Variants in ZNF140 observed in about 807,000 individuals in gnomAD.
The protein encoded by ZNF140 is zinc finger protein 140 (clone pHZ-39).
A neutral mutation model predicts 12.9 loss-of-function variants in ZNF140; 13 were observed. That is an observed-to-expected ratio of 1.01 (90% CI 0.66 to 1.60). The LOEUF (loss-of-function observed/expected upper bound fraction) is 1.60, where lower values mean the gene tolerates loss of function less well. Among genes scored for constraint, ZNF140 ranks in the 40% most tolerant of loss-of-function variants. The pLI is 0.00. For synonymous variants in ZNF140, 214 were observed against 186.7 expected (o/e 1.15, Z -1.19); for missense variants, 531 against 548.8 (o/e 0.97, Z 0.32).
intron 4 of ZNF140, among the ~76,000 whole-genome samples, chr12:133,093,901 TTC>T (rs1954981848): frequency 1.3e-5 from 2 of 151,178 alleles, no homozygotes; most frequent in South Asian, 2.1e-4. Flanking sequence ...CAGTCTCACT[TTC>T]TGTGTCTTTC....
intron 4 of ZNF140, among the ~76,000 whole-genome samples, 183 bp downstream of exon 4, chr12:133,083,744 C>T (rs1954577918): frequency 6.6e-6 from 1 of 151,994 alleles, no homozygotes; most frequent in Non-Finnish European, 1.5e-5. Context: ...TGGATCACGA[C>T]GTCAGGAGAT....
chr12:133,105,809 T>C lies in ZNF140; in HGVS notation c.532T>C (p.Leu178=). The change falls in exon 5 of 5, where the codon TTA becomes CTA. Residue 178 remains leucine, a synonymous_variant. Coordinates refer to ENST00000355557, the MANE Select transcript of ZNF140 (RefSeq NM_003440.4). ...KTFGRRFSLV[L]HQRTHTGEKP... ...TTTTGGTCGACGCTTTTCCCTGGTG[T>C]TACACCAGAGGACTCATACTGGAGA... 1 of 1,614,158 alleles carries C rather than the reference T, an allele frequency of 6.2e-7. No homozygotes were observed. The highest frequency in any genetic ancestry group is 1.7e-5 in the Admixed American group (1 of 60,026).
At chr12:133,095,905 A>G (rs1488962767) in intron 4 of ZNF140, among the ~76,000 whole-genome samples, 1 of 151,910 alleles carries the variant, frequency 6.6e-6, no homozygotes, top group Non-Finnish European at 1.5e-5. Context: ...TTTTGCTACT[A>G]TCTCAGAATT....
At chr12:133,103,388 A>T (rs1390268956) in intron 4 of ZNF140, among the ~76,000 whole-genome samples, 2 of 151,804 alleles carry the variant, frequency 1.3e-5, no homozygotes, top group African/African-American at 4.8e-5. Context: ...TCTGTCAAGT[A>T]GCTAGAAGTA....
intron 4 of ZNF140, among the ~76,000 whole-genome samples, chr12:133,087,163 A>G (rs1593749520): frequency 6.6e-6 from 1 of 152,048 alleles, no homozygotes; most frequent in African/African-American, 2.4e-5. Flanking sequence ...CCAGGGAGCT[A>G]AGGGAGGTAG....
At chr12:133,096,793 C>T (rs1473163246) in intron 4 of ZNF140, among the ~76,000 whole-genome samples, 4 of 152,126 alleles carry the variant, frequency 2.6e-5, no homozygotes, top group Admixed American at 6.5e-5. Context: ...CTAAGAATTG[C>T]GTCTATCTTC....
chr12:133,096,020 A>G (rs1284688119), intron 4 of ZNF140, among the ~76,000 whole-genome samples: 51 of 150,954 alleles, frequency 3.4e-4, no homozygotes, highest in South Asian at 1.3e-3. Context: ...TTCCTCTTTT[A>G]CCAATCCACC....
intron 2 of ZNF140, chr12:133,081,615 T>G: frequency 2.2e-6 from 1 of 453,634 alleles, no homozygotes; most frequent in Admixed American, 2.4e-5. Context: ...CCTTTTCAGG[T>G]GCTTATACTT....
intron 4 of ZNF140, among the ~76,000 whole-genome samples, chr12:133,096,908 G>A (rs1250769369): frequency 5.3e-5 from 8 of 152,180 alleles, no homozygotes; most frequent in Admixed American, 2.6e-4. Flanking sequence ...TGTTCTTAAC[G>A]ATTTTCTGCC....
intron 4 of ZNF140, among the ~76,000 whole-genome samples, chr12:133,091,615 C>T (rs1002518577): frequency 6.0e-5 from 9 of 149,728 alleles, no homozygotes; most frequent in Middle Eastern, 3.4e-3. Flanking sequence ...GCTGTCTCTC[C>T]GGAGCTGTTG....
chr12:133,081,096 G>A, intron 1 of ZNF140, 24 bp downstream of exon 1: 3 of 251,100 alleles, frequency 1.2e-5, no homozygotes, highest in Non-Finnish European at 2.5e-5. Context: ...GGGGAGGCGC[G>A]CCGTGGCAGG....
intron 4 of ZNF140, among the ~76,000 whole-genome samples, chr12:133,088,165 G>C (rs1266509607): frequency 6.6e-6 from 1 of 151,728 alleles, no homozygotes; most frequent in African/African-American, 2.4e-5. Flanking sequence ...AAGAAAGAAG[G>C]GAGGAAGGAA....
chr12:133,097,443 A>C (rs1488214168), intron 4 of ZNF140, among the ~76,000 whole-genome samples: 1 of 151,982 alleles, frequency 6.6e-6, no homozygotes, highest in Non-Finnish European at 1.5e-5. Flanking sequence ...GGAGATTGAG[A>C]CCATCCTGGC....
In ZNF140 at chr12:133,107,379, T is replaced by TTAAG. The variant is rs1955637377; in HGVS notation, c.*730_*733dup. On this transcript the variant is annotated 3_prime_UTR_variant, in exon 5 of 5. Coordinates refer to ENST00000355557, the MANE Select transcript of ZNF140 (RefSeq NM_003440.4). ...GGGAAGGGGGATTCCTTTTTGTTTT[T>TTAAG]TAAGTGAATTCAGAAAATGTTATAA... 6.6e-6 allele frequency: 1 copy of TTAAG among 152,218 alleles called. No homozygotes were observed. The highest frequency in any genetic ancestry group is 1.5e-5 in the Non-Finnish European group (1 of 68,038). 9.4% of individuals were successfully genotyped at this position (152,218 alleles called of 1,614,324 possible).
chr12:133,104,602 T>C (rs748540205), intron 4 of ZNF140, among the ~76,000 whole-genome samples: 395 of 152,210 alleles, frequency 2.6e-3, no homozygotes, highest in Non-Finnish European at 3.6e-3. Flanking sequence ...CTGCCCGCCT[T>C]GGCCTCCCAA....
chr12:133,101,380 T>G (rs1955340274), intron 4 of ZNF140, among the ~76,000 whole-genome samples: 1 of 151,874 alleles, frequency 6.6e-6, no homozygotes, highest in South Asian at 2.1e-4. Flanking sequence ...TTTTCAGTTT[T>G]GGACGTTTCT....
intron 4 of ZNF140, among the ~76,000 whole-genome samples, chr12:133,103,616 A>G (rs991039260): frequency 1.1e-4 from 17 of 151,906 alleles, no homozygotes; most frequent in Admixed American, 1.1e-3. Context: ...TTCACTTGGT[A>G]TATTTCAGTT....
rs1157856116 is a variant in ZNF140 at position 133,081,379 on chromosome 12, A to AT, written c.9+60dup. On this transcript the variant is annotated intron_variant, in intron 2 of 4. Coordinates refer to ENST00000355557, the MANE Select transcript of ZNF140 (RefSeq NM_003440.4). ...TATATATATATATATATAAATTTTT[A>AT]TTTTTTTTTTAAGAGAGAGACAGGG... 439 of 225,072 alleles carry AT rather than the reference A, an allele frequency of 2.0e-3. 3 individuals are homozygous for AT. Among genetic ancestry groups the AT allele is most frequent in the Middle Eastern group, 8.3e-3 (5 of 600 alleles). The allele number at this position is 225,072 out of a possible 1,614,324, so 13.9% of individuals were successfully genotyped here.
intron 2 of ZNF140, chr12:133,082,229 T>C (rs1954526972): frequency 6.6e-6 from 1 of 152,232 alleles, no homozygotes; most frequent in South Asian, 2.1e-4. Flanking sequence ...AATTCAGAGG[T>C]TCTCTGAGTT....
Sources: allele counts gnomAD v4.1 joint callset (sites outside exome capture counted in the v4.1 genomes callset), GRCh38; gene constraint gnomAD v4.1.1; transcripts MANE v1.5; gene names NCBI Gene and HGNC (gene_info 2026-07-23, HGNC 2026-07-21).